Variants in WWOX observed in about 807,000 individuals in gnomAD.
The protein encoded by WWOX is WW domain-containing oxidoreductase.
In WWOX, 69 loss-of-function variants were observed where a neutral mutation model predicts 46.2. That is an observed-to-expected ratio of 1.49 (90% CI 1.23 to 1.82). The LOEUF (loss-of-function observed/expected upper bound fraction) is 1.82, where lower values mean the gene tolerates loss of function less well. Among genes scored for constraint, WWOX ranks in the 40% most tolerant of loss-of-function variants. The pLI, the probability that WWOX is intolerant of heterozygous loss-of-function variation, is 0.00. For missense variants in WWOX, 919 were observed against 542.6 expected (o/e 1.69, Z -6.89); for synonymous variants, 359 against 202.6 (o/e 1.77, Z -6.56).
chr16:79,010,700 C>A (rs74032493), intron 8 of WWOX, among the ~76,000 whole-genome samples: 6 of 151,642 alleles, frequency 4.0e-5, no homozygotes, highest in African/African-American at 7.3e-5. Flanking sequence ...GGCTTCCAGG[C>A]AGAGGAGGTT....
intron 5 of WWOX, among the ~76,000 whole-genome samples, chr16:78,358,864 G>GTTTT (rs1298508666): frequency 4.3e-5 from 2 of 46,462 alleles, no homozygotes; most frequent in Non-Finnish European, 5.3e-5. Context: ...TCACACTGTG[G>GTTTT]TCTTTTTTTT....
intron 4 of WWOX, among the ~76,000 whole-genome samples, chr16:78,122,998 T>A (rs1291960969): frequency 6.6e-6 from 1 of 152,186 alleles, no homozygotes; most frequent in Admixed American, 6.5e-5. Context: ...TTTGATATAA[T>A]TAAACAAAAG....
intron 5 of WWOX, among the ~76,000 whole-genome samples, chr16:78,182,310 A>C (rs1293217948): frequency 1.3e-5 from 2 of 152,064 alleles, no homozygotes; most frequent in African/African-American, 4.8e-5. Flanking sequence ...AAGAAAAGAA[A>C]AGAAATGCTT....
intron 8 of WWOX, among the ~76,000 whole-genome samples, chr16:79,027,439 C>G (rs1438428777): frequency 6.6e-6 from 1 of 151,676 alleles, no homozygotes; most frequent in African/African-American, 2.4e-5. Flanking sequence ...CTCCCTGCCT[C>G]CCATTTTACA....
chr16:78,602,336 G>A (rs571599776), intron 8 of WWOX, among the ~76,000 whole-genome samples: 3 of 152,194 alleles, frequency 2.0e-5, no homozygotes, highest in African/African-American at 4.8e-5. Context: ...AGGTTCCAGC[G>A]ATTCTCCTGC....
At chr16:78,362,241 C>G (rs1192182172) in intron 5 of WWOX, among the ~76,000 whole-genome samples, 1 of 151,980 alleles carries the variant, frequency 6.6e-6, no homozygotes, top group East Asian at 1.9e-4. Flanking sequence ...AGATGTGTGC[C>G]TTGTCCGTCT....
At chr16:79,079,876 C>T (rs531665002) in intron 8 of WWOX, among the ~76,000 whole-genome samples, 12 of 152,224 alleles carry the variant, frequency 7.9e-5, no homozygotes, top group African/African-American at 1.2e-4. Flanking sequence ...CCCCATTGCA[C>T]GAATATAGAA....
intron 5 of WWOX, among the ~76,000 whole-genome samples, chr16:78,298,557 C>A (rs1214281890): frequency 6.6e-6 from 1 of 152,042 alleles, no homozygotes; most frequent in African/African-American, 2.4e-5. Context: ...TTTGGGAGGC[C>A]GAGGCGGGCA....
At chr16:78,219,885 C>T (rs7186466) in intron 5 of WWOX, among the ~76,000 whole-genome samples, 4,333 of 152,038 alleles carry the variant, frequency 0.028, 225 homozygotes, top group African/African-American at 0.097. Context: ...CATATATCTG[C>T]GATTGTACTG....
chr16:78,879,999 G>A (rs1308711863), intron 8 of WWOX, among the ~76,000 whole-genome samples: 2 of 152,158 alleles, frequency 1.3e-5, no homozygotes, highest in East Asian at 3.9e-4. Context: ...GTGTAATGGC[G>A]TTAGATGACC....
chr16:78,618,681 C>G (rs979579059), intron 8 of WWOX, among the ~76,000 whole-genome samples: 2 of 151,996 alleles, frequency 1.3e-5, no homozygotes, highest in Non-Finnish European at 2.9e-5. Context: ...CATGTTTGAT[C>G]CGGGGGAATA....
chr16:78,942,418 C>T (rs1255044872), intron 8 of WWOX, among the ~76,000 whole-genome samples: 1 of 152,100 alleles, frequency 6.6e-6, no homozygotes, highest in Non-Finnish European at 1.5e-5. Context: ...TTTGAGGACA[C>T]ACTGTAAAAA....
chr16:78,639,781 G>C (rs1376230680), intron 8 of WWOX, among the ~76,000 whole-genome samples: 2 of 152,106 alleles, frequency 1.3e-5, no homozygotes, highest in African/African-American at 2.4e-5. Flanking sequence ...GGCCAGGCTG[G>C]TCTTGAACTC....
intron 8 of WWOX, among the ~76,000 whole-genome samples, chr16:78,986,404 A>T (rs1597240704): frequency 6.6e-6 from 1 of 152,182 alleles, no homozygotes. Flanking sequence ...ATTGGTTTGG[A>T]CATGAACTGG....
intron 8 of WWOX, among the ~76,000 whole-genome samples, chr16:78,668,455 A>G (rs758742329): frequency 1.3e-5 from 2 of 152,172 alleles, no homozygotes; most frequent in Non-Finnish European, 2.9e-5. Context: ...TTTCCTTTGT[A>G]TATCCACTCA....
chr16:78,308,516 G>T (rs1160262869), intron 5 of WWOX, among the ~76,000 whole-genome samples: 6 of 152,078 alleles, frequency 3.9e-5, no homozygotes, highest in Non-Finnish European at 8.8e-5. Context: ...GGATCACTTT[G>T]CAGATAGCAG....
intron 8 of WWOX, among the ~76,000 whole-genome samples, chr16:78,871,798 T>G (rs2044134470): frequency 6.6e-6 from 1 of 152,210 alleles, no homozygotes. Context: ...GAGAGGGGTT[T>G]CACCATATTG....
intron 8 of WWOX, among the ~76,000 whole-genome samples, chr16:79,104,157 A>C (rs1472890041): frequency 6.6e-6 from 1 of 151,862 alleles, no homozygotes; most frequent in African/African-American, 2.4e-5. Context: ...TCACAACCCC[A>C]CAAATAGGTG....
At chr16:79,023,410 T>C (rs2047574372) in intron 8 of WWOX, among the ~76,000 whole-genome samples, 1 of 152,180 alleles carries the variant, frequency 6.6e-6, no homozygotes, top group Non-Finnish European at 1.5e-5. Context: ...GGTGTTACCC[T>C]GGAGTTGTGA....
Sources: gnomAD v4.1 joint callset for allele counts (sites outside exome capture counted in the v4.1 genomes callset) on GRCh38, gnomAD v4.1.1 for gene constraint, MANE v1.5 for transcripts, NCBI Gene and HGNC (gene_info 2026-07-23, HGNC 2026-07-21) for gene names.